SPAG16: variants seen among roughly 807,000 people sequenced by gnomAD.
SPAG16 encodes the protein sperm-associated antigen 16 protein.
SPAG16 carries 86 observed loss-of-function variants against 80.4 expected under a neutral mutation model. That is an observed-to-expected ratio of 1.07 (90% confidence interval 0.90 to 1.28). The LOEUF is 1.28. Ranked by LOEUF, SPAG16 falls within the 50% of genes most tolerant of loss-of-function variation. SPAG16 has a pLI of 0.00. For missense variants in SPAG16, 870 were observed against 765.3 expected, an observed-to-expected ratio of 1.14 and a Z score of -1.61; for synonymous variants, 294 against 265.9, an observed-to-expected ratio of 1.11 and a Z score of -1.03.
intron 12 of SPAG16, among the ~76,000 whole-genome samples, chr2:213,994,605 G>A (rs1444586789): frequency 6.6e-5 from 10 of 150,452 alleles, no homozygotes; most frequent in South Asian, 2.1e-4. Context: ...ACAACATTAG[G>A]GGAAAATAAT....
chr2:214,158,204 G>C (rs1166874581), intron 15 of SPAG16, among the ~76,000 whole-genome samples: 1 of 151,864 alleles, frequency 6.6e-6, no homozygotes, highest in African/African-American at 2.4e-5. Flanking sequence ...TTTTTCCTAT[G>C]TTTAGAATAA....
chr2:214,392,462 C>A (rs1305542324), intron 15 of SPAG16, among the ~76,000 whole-genome samples: 1 of 152,144 alleles, frequency 6.6e-6, no homozygotes, highest in East Asian at 1.9e-4. Context: ...GCCTCAGAAT[C>A]TTATCCCTGT....
rs574148753 is a variant in SPAG16 at position 213,804,731 on chromosome 2, A to G, written c.1071-57754A>G. ...TAACTAACTAACTAACTAACTAACT[A>G]AGATTACGAGACAGGAAGCACAGAA... On this transcript the variant is annotated intron_variant, in intron 10 of 15. Transcript: ENST00000331683. Among the ~76,000 whole-genome samples the G allele has an allele frequency of 2.2e-4, 32 of 146,800 alleles. No homozygotes were observed. The South Asian group carries it at 6.8e-3, about 31-fold the overall frequency.
At chr2:213,310,766 A>C (rs1226516736) in intron 4 of SPAG16, among the ~76,000 whole-genome samples, 1 of 151,872 alleles carries the variant, frequency 6.6e-6, no homozygotes, top group Non-Finnish European at 1.5e-5. Context: ...CAGTAGGTGT[A>C]CCTTTATTCC....
Position 213,929,107 on chromosome 2 carries a change from G to C in SPAG16, c.1215-853G>C, listed in dbSNP as rs1005177820. ...GGGCTCACTGAAACCTCTGTCCCCGGGGTTCAAGCAACTCTCCTGCCTCAG... is the reference window on the plus strand; with the variant it reads ...GGGCTCACTGAAACCTCTGTCCCCGCGGTTCAAGCAACTCTCCTGCCTCAG... On this transcript the variant is annotated intron_variant, in intron 11 of 15. Coordinates refer to ENST00000331683, the MANE Select transcript of SPAG16 (RefSeq NM_024532.5). Among the ~76,000 whole-genome samples the C allele has an allele frequency of 2.1e-5, 3 of 144,484 alleles. No individual in the cohort carries two copies. In the Admixed American group the frequency reaches 2.2e-4, roughly 11 times the overall value. The allele number at this position is 144,484 out of a possible 152,430, so 94.8% of individuals were successfully genotyped here.
At chr2:213,805,067 T>C (rs530451571) in intron 10 of SPAG16, among the ~76,000 whole-genome samples, 46 of 152,302 alleles carry the variant, frequency 3.0e-4, no homozygotes, top group Non-Finnish European at 5.7e-4. Flanking sequence ...TTGAGGAGTA[T>C]AAATGTCAAA....
intron 10 of SPAG16, among the ~76,000 whole-genome samples, chr2:213,518,928 G>T (rs1205940360): frequency 2.0e-5 from 3 of 152,196 alleles, no homozygotes; most frequent in Admixed American, 6.5e-5. Context: ...TGGCAACATG[G>T]TTGGAGCTGG....
intron 10 of SPAG16, among the ~76,000 whole-genome samples, chr2:213,552,736 C>T (rs923047456): frequency 6.6e-6 from 1 of 152,056 alleles, no homozygotes; most frequent in Non-Finnish European, 1.5e-5. Flanking sequence ...AGTCAGTGGA[C>T]TAGGAGAGGC....
At chr2:213,951,019 G>GTT (rs200070959) in intron 12 of SPAG16, among the ~76,000 whole-genome samples, 57,795 of 145,832 alleles carry the variant, frequency 0.4, 11,677 homozygotes, top group South Asian at 0.57. Flanking sequence ...GCCTGACATA[G>GTT]TTTTTTTTTT....
At chr2:213,935,716 A>G (rs913330433) in intron 12 of SPAG16, among the ~76,000 whole-genome samples, 3 of 152,228 alleles carry the variant, frequency 2.0e-5, no homozygotes, top group Admixed American at 1.3e-4. Context: ...ACATTTACTG[A>G]TAGGAATGAG....
chr2:214,226,587 G>A (rs1163940521), intron 15 of SPAG16, among the ~76,000 whole-genome samples: 2 of 151,970 alleles, frequency 1.3e-5, no homozygotes, highest in African/African-American at 4.8e-5. Flanking sequence ...ACCTTTTGTT[G>A]TTCACCAAAA....
chr2:213,668,426 T>C lies in SPAG16; in HGVS notation c.1070+178336T>C, dbSNP rs752922492. On this transcript the variant is annotated intron_variant, in intron 10 of 15. Transcript: ENST00000331683. ...CCCATGCATACAGCAATTATGATTG[T>C]GAACATCCAAGACAAATTAGTATGG... Among the ~76,000 whole-genome samples the C allele has an allele frequency of 5.3e-5, 8 of 152,040 alleles. 1 individual carries two copies. Among genetic ancestry groups the C allele is most frequent in the Non-Finnish European group, 1.2e-4 (8 of 67,996 alleles).
At chr2:213,688,757 A>C (rs1284723740) in intron 10 of SPAG16, among the ~76,000 whole-genome samples, 1 of 151,866 alleles carries the variant, frequency 6.6e-6, no homozygotes, top group African/African-American at 2.4e-5. Flanking sequence ...TTCAGTTTGT[A>C]TTGTTTTGAA....
chr2:214,278,939 C>G (rs868586721), intron 15 of SPAG16, among the ~76,000 whole-genome samples: 2 of 152,174 alleles, frequency 1.3e-5, no homozygotes, highest in South Asian at 2.1e-4. Context: ...GATTCAAACA[C>G]CACTTTTCCT....
intron 9 of SPAG16, among the ~76,000 whole-genome samples, chr2:213,382,521 TTG>T (rs1255341679): frequency 2.6e-5 from 4 of 152,214 alleles, no homozygotes; most frequent in African/African-American, 7.2e-5. Flanking sequence ...TTGAGCACCA[TTG>T]GGTCTGCTGG....
At chr2:213,293,409 CCAGTG>C (rs1469327112) in intron 1 of SPAG16, among the ~76,000 whole-genome samples, 1 of 152,176 alleles carries the variant, frequency 6.6e-6, no homozygotes, top group Non-Finnish European at 1.5e-5. Flanking sequence ...ACCCATGTAA[CCAGTG>C]GGATATTGAA....
chr2:213,738,170 A>C (rs1427182608), intron 10 of SPAG16, among the ~76,000 whole-genome samples: 3 of 152,192 alleles, frequency 2.0e-5, no homozygotes, highest in Admixed American at 6.5e-5. Flanking sequence ...AAATCTCATT[A>C]TTGAACATTT....
chr2:214,180,002 C>G (rs2057260606), intron 15 of SPAG16, among the ~76,000 whole-genome samples: 1 of 151,420 alleles, frequency 6.6e-6, no homozygotes, highest in African/African-American at 2.4e-5. Flanking sequence ...TTATATAAAA[C>G]CTCTTAGATA....
At chr2:213,762,361 A>G (rs1341042040) in intron 10 of SPAG16, among the ~76,000 whole-genome samples, 2 of 152,196 alleles carry the variant, frequency 1.3e-5, no homozygotes, top group Non-Finnish European at 2.9e-5. Flanking sequence ...CTGATAAATT[A>G]TATGTTATGT....
Sources: gnomAD v4.1 joint callset for allele counts (sites outside exome capture counted in the v4.1 genomes callset) on GRCh38, gnomAD v4.1.1 for gene constraint, MANE v1.5 for transcripts, NCBI Gene and HGNC (gene_info 2026-07-23, HGNC 2026-07-21) for gene names.